Variants in FBXL7 observed in about 807,000 individuals in gnomAD.
FBXL7 encodes F-box and leucine rich repeat protein 7, also known as F-box/LRR-repeat protein 7.
Under a neutral mutation model 38.3 loss-of-function variants are expected in FBXL7, and 12 were observed. The ratio of observed to expected loss-of-function variants is 0.31; its 90% CI spans 0.20 to 0.51. FBXL7 has a LOEUF of 0.51. Among genes scored for constraint, FBXL7 ranks in the 20% least tolerant of loss-of-function variants. FBXL7 has a pLI of 0.98. For synonymous variants in FBXL7, 297 were observed against 300.9 expected (o/e 0.99, Z 0.13); for missense variants, 567 against 676.4 (o/e 0.84, Z 1.79).
chr5:15,537,639 AAGGGGG>A (rs765880830), intron 1 of FBXL7, among the ~76,000 whole-genome samples: 3 of 152,220 alleles, frequency 2.0e-5, no homozygotes, highest in African/African-American at 4.8e-5. Flanking sequence ...GTGGTCCCCG[AAGGGGG>A]AGGGCTCATA....
intron 2 of FBXL7, among the ~76,000 whole-genome samples, chr5:15,727,233 G>A (rs1429518030): frequency 6.6e-6 from 1 of 152,060 alleles, no homozygotes; most frequent in African/African-American, 2.4e-5. Context: ...AAAAAATGGA[G>A]TTATATCTCA....
At chr5:15,673,315 TAAAAAGAAAAA>T (rs1742547609) in intron 2 of FBXL7, among the ~76,000 whole-genome samples, 1 of 149,310 alleles carries the variant, frequency 6.7e-6, no homozygotes, top group East Asian at 2.0e-4. Context: ...AGACTCCATC[TAAAAAGAAAAA>T]AAAAAGAAAA....
At chr5:15,873,634 A>G (rs1316861805) in intron 2 of FBXL7, among the ~76,000 whole-genome samples, 1 of 152,160 alleles carries the variant, frequency 6.6e-6, no homozygotes, top group Non-Finnish European at 1.5e-5. Flanking sequence ...AATACCATAA[A>G]CACCTCTACA....
chr5:15,797,787 G>A (rs998698495), intron 2 of FBXL7, among the ~76,000 whole-genome samples: 2 of 147,144 alleles, frequency 1.4e-5, no homozygotes, highest in Non-Finnish European at 3.0e-5. Flanking sequence ...TTCAGTAATA[G>A]CCTACAATTT....
At chr5:15,784,065 T>C (rs1369570403) in intron 2 of FBXL7, among the ~76,000 whole-genome samples, 1 of 152,196 alleles carries the variant, frequency 6.6e-6, no homozygotes, top group Non-Finnish European at 1.5e-5. Flanking sequence ...TGGCAGCCTA[T>C]GTTGCAGTAG....
chr5:15,771,015 C>T (rs1736715550), intron 2 of FBXL7, among the ~76,000 whole-genome samples: 1 of 152,202 alleles, frequency 6.6e-6, no homozygotes. Flanking sequence ...ATTTCCACAT[C>T]TCCAATGCGC....
At chr5:15,922,985 A>G (rs1282428148) in intron 2 of FBXL7, among the ~76,000 whole-genome samples, 5 of 152,220 alleles carry the variant, frequency 3.3e-5, no homozygotes, top group East Asian at 1.9e-4. Context: ...TACCTACAAA[A>G]TATTCTAAAT....
intron 2 of FBXL7, among the ~76,000 whole-genome samples, chr5:15,761,830 G>T (rs571702626): frequency 6.6e-6 from 1 of 152,334 alleles, no homozygotes; most frequent in Admixed American, 6.5e-5. Context: ...GAGCCACCAT[G>T]TCAGGCTGAA....
intron 2 of FBXL7, among the ~76,000 whole-genome samples, chr5:15,649,710 GTACC>G (rs1029992359): frequency 9.7e-6 from 1 of 103,090 alleles, no homozygotes; most frequent in Admixed American, 9.5e-5. Context: ...TTTTTTTTTT[GTACC>G]TCACTATGTC....
In FBXL7 at chr5:15,800,880, G is replaced by A. The variant is rs370915192; in HGVS notation, c.128-127010G>A. On this transcript the variant is annotated intron_variant, in intron 2 of 3. Coordinates refer to ENST00000504595, the MANE Select transcript of FBXL7 (RefSeq NM_012304.5). ...GTGCACATAAACACAACTGTTTTGG[G>A]GAATGTGTCAGTCAGGATTCTCCAG... Among the ~76,000 whole-genome samples the A allele has an allele frequency of 9.9e-5, 15 of 152,260 alleles. No individual in the cohort carries two copies. In the East Asian group the frequency reaches 1.4e-3, roughly 14 times the overall value.
chr5:15,595,192 GT>G (rs1318558583), intron 1 of FBXL7, among the ~76,000 whole-genome samples: 1 of 152,188 alleles, frequency 6.6e-6, no homozygotes, highest in Non-Finnish European at 1.5e-5. Flanking sequence ...AGTACTATAA[GT>G]GTCAGTTGTG....
At chr5:15,894,739 T>C (rs1447002539) in intron 2 of FBXL7, among the ~76,000 whole-genome samples, 2 of 152,214 alleles carry the variant, frequency 1.3e-5, no homozygotes, top group African/African-American at 4.8e-5. Flanking sequence ...GTTTTACTGT[T>C]ATTAAGCCTC....
intron 2 of FBXL7, among the ~76,000 whole-genome samples, chr5:15,874,745 T>C (rs1740125745): frequency 6.6e-6 from 1 of 152,174 alleles, no homozygotes; most frequent in African/African-American, 2.4e-5. Flanking sequence ...TACAAACCAC[T>C]GCTCAAGGAA....
At chr5:15,637,116 C>T (rs1741212905) in intron 2 of FBXL7, among the ~76,000 whole-genome samples, 2 of 152,116 alleles carry the variant, frequency 1.3e-5, no homozygotes, top group African/African-American at 4.8e-5. Flanking sequence ...ATTCTTTGCT[C>T]ATGGTTTTAT....
rs1275266974 is a variant in FBXL7 at position 15,616,690 on chromosome 5, CTACT to C, written c.127+624_127+627del. Among the ~76,000 whole-genome samples the C allele has an allele frequency of 2.2e-4, 33 of 152,302 alleles. 1 individual carries two copies. The highest frequency in any genetic ancestry group is 6.7e-4 in the African/African-American group (28 of 41,584). On this transcript the variant is annotated intron_variant, in intron 2 of 3. Coordinates refer to ENST00000504595, the MANE Select transcript of FBXL7 (RefSeq NM_012304.5). ...TTTCAATATGGAAGCTTTTGAGTTACTACTTACTTGTTTGAGTGTGGAATTAATT... is the reference window on the plus strand; with the variant it reads ...TTTCAATATGGAAGCTTTTGAGTTACTACTTGTTTGAGTGTGGAATTAATT...
intron 2 of FBXL7, among the ~76,000 whole-genome samples, chr5:15,716,834 A>G (rs147741456): frequency 1.4e-4 from 22 of 152,274 alleles, no homozygotes; most frequent in Admixed American, 3.9e-4. Flanking sequence ...ATTAAGAAAT[A>G]TCTTAGTGGA....
At chr5:15,785,951 TA>T (rs1216221409) in intron 2 of FBXL7, among the ~76,000 whole-genome samples, 3 of 152,178 alleles carry the variant, frequency 2.0e-5, no homozygotes, top group Non-Finnish European at 2.9e-5. Context: ...ATTTTCATAA[TA>T]AACAGAAAAT....
intron 2 of FBXL7, among the ~76,000 whole-genome samples, chr5:15,642,728 G>A (rs1425857193): frequency 6.6e-6 from 1 of 152,132 alleles, no homozygotes; most frequent in Non-Finnish European, 1.5e-5. Flanking sequence ...AGGCCAACGG[G>A]GAAGCAGGGT....
chr5:15,868,508 A>G (rs1036841515), intron 2 of FBXL7, among the ~76,000 whole-genome samples: 5 of 152,214 alleles, frequency 3.3e-5, no homozygotes, highest in African/African-American at 1.2e-4. Context: ...CCCAGCATCA[A>G]TGCTACTGCA....
Sources: gnomAD v4.1 joint callset for allele counts (sites outside exome capture counted in the v4.1 genomes callset) on GRCh38, gnomAD v4.1.1 for gene constraint, MANE v1.5 for transcripts, NCBI Gene and HGNC (gene_info 2026-07-23, HGNC 2026-07-21) for gene names.